Variants in NDC1 observed in about 807,000 individuals in gnomAD.
NDC1 encodes nucleoporin NDC1.
Under a neutral mutation model 89.8 loss-of-function variants are expected in NDC1, and 24 were observed. The observed-to-expected ratio is 0.27, with a 90% CI of 0.19 to 0.38. NDC1 has a LOEUF of 0.38. NDC1 is among the 10% of genes least tolerant of loss of function. The probability of loss-of-function intolerance (pLI) is 1.00; values close to 1 mark genes in which losing one functional copy is unlikely to be tolerated. For synonymous variants in NDC1, 296 were observed against 284.8 expected (o/e 1.04, Z -0.39); for missense variants, 728 against 797.6 (o/e 0.91, Z 1.05).
rs755144525 is a variant in NDC1, at chr1:53,797,139, T to C, written c.1228A>G (p.Thr410Ala). 1.2e-6 allele frequency: 2 copies of C among 1,613,802 alleles called. No homozygotes were observed. Among genetic ancestry groups the C allele is most frequent in the Non-Finnish European group, 1.7e-6 (2 of 1,179,718 alleles). The change falls in exon 12 of 18, where the codon ACT becomes GCT. Residue 410 changes from threonine to alanine, a missense_variant. Physicochemically the swap from Thr to Ala is moderately conservative, Grantham distance 58. Coordinates refer to ENST00000371429, the MANE Select transcript of NDC1 (RefSeq NM_018087.5). The part of the protein sequence containing the change: ...EPKKLNSPEE[T>A]AFQTPKSSQM... ...CTAGATTTTGGTGTCTGAAAAGCAG[T>C]TTCTTCTGTAAAACAACAGATCCAG...
Position 53,797,060 on chromosome 1 carries a change from G to C in NDC1, c.1307C>G (p.Ser436Ter). The stretch of plus-strand genomic sequence containing the variant: ...CACAACATCAGGTGTAGATAATTTT[G>C]AAGAAAACAGTGATGTTTTAACTAA... The part of the protein sequence containing the change: ...PPLVKTSLFS[S>*]KLSTPDVVSP... The change falls in exon 12 of 18, where the codon TCA becomes TGA. Residue 436 changes from serine (S) to a stop codon, truncating the protein, a stop_gained. Coordinates refer to ENST00000371429, the MANE Select transcript of NDC1 (RefSeq NM_018087.5). LOFTEE classifies it high-confidence loss of function. 6.2e-7 allele frequency: 1 copy of C among 1,614,062 alleles called. No individual in the cohort carries two copies. Among genetic ancestry groups the C allele is most frequent in the Non-Finnish European group, 8.5e-7 (1 of 1,179,996 alleles).
chr1:53,772,698 TAACATAACATAACATAACATAACAA>T (rs1476556839), intron 16 of NDC1, among the ~76,000 whole-genome samples: 5 of 150,384 alleles, frequency 3.3e-5, no homozygotes, highest in African/African-American at 1.2e-4. Flanking sequence ...TAACATAACA[TAACATAACATAACATAACATAACAA>T]AACAAAACAA....
Position 53,818,477 on chromosome 1 carries a change from T to C in NDC1, c.703+494A>G, listed in dbSNP as rs59207626. Among the ~76,000 whole-genome samples the C allele has an allele frequency of 5.2e-3, 798 of 152,176 alleles. 11 individuals are homozygous for C. The highest frequency in any genetic ancestry group is 0.018 in the African/African-American group (752 of 41,520). ...ATTTTAGCCATCTTTAAGTGTTCAA[T>C]ACAGTAGTGTTAACTATATGCACAT... On this transcript the variant is annotated intron_variant, in intron 6 of 17. Transcript: ENST00000371429.
intron 16 of NDC1, among the ~76,000 whole-genome samples, chr1:53,774,780 G>A (rs1376657800): frequency 1.3e-5 from 2 of 152,028 alleles, no homozygotes; most frequent in African/African-American, 2.4e-5. Flanking sequence ...ACAACTACTT[G>A]GGAGACTGAT....
At position 53,789,207 on chromosome 1, in the gene NDC1, A is replaced by G. The variant is rs116539849; in HGVS notation, c.1636-11T>C. 4,383 of 1,588,702 alleles carry G rather than the reference A, an allele frequency of 2.8e-3. 119 individuals are homozygous for G. In the African/African-American group the frequency reaches 0.05, roughly 18 times the overall value. On this transcript the variant is annotated splice_polypyrimidine_tract_variant and intron_variant, in intron 14 of 17. Transcript: ENST00000371429. ...GGAGGCCTCTGGGTGCTACAAATAA[A>G]AACAAAAACATTCAAGTGAATTCCC...
At chr1:53,800,878 T>G in intron 10 of NDC1, 30 bp from the exon 11 acceptor site, 1 of 1,541,260 alleles carries the variant, frequency 6.5e-7, no homozygotes. Flanking sequence ...GCTTTTAAAA[T>G]GTAAATAATC....
chr1:53,793,224 C>A lies in NDC1; in HGVS notation c.1635+5G>T. 6.2e-7 allele frequency: 1 copy of A among 1,606,666 alleles called. No homozygotes were observed. The highest frequency in any genetic ancestry group is 8.5e-7 in the Non-Finnish European group (1 of 1,173,226). On this transcript the variant is annotated splice_donor_5th_base_variant and intron_variant, in intron 14 of 17. Transcript: ENST00000371429. ...ATTCCCAACGCTATAACCACATATT[C>A]TTACCTTACTGAAAAAATACATTAT...
intron 2 of NDC1, among the ~76,000 whole-genome samples, chr1:53,833,336 A>G (rs1649127134): frequency 6.6e-6 from 1 of 151,922 alleles, no homozygotes; most frequent in South Asian, 2.1e-4. Context: ...GGTTCTCACT[A>G]TGTTGTCAAG....
intron 6 of NDC1, among the ~76,000 whole-genome samples, chr1:53,818,147 C>T (rs1419031109): frequency 1.3e-5 from 2 of 152,028 alleles, no homozygotes; most frequent in South Asian, 2.1e-4. Flanking sequence ...ATAAAATTTA[C>T]CATCTTAGGC....
At chr1:53,813,019 T>C (rs980418602) in intron 6 of NDC1, among the ~76,000 whole-genome samples, 2 of 152,182 alleles carry the variant, frequency 1.3e-5, no homozygotes, top group African/African-American at 4.8e-5. Flanking sequence ...GCATCATATA[T>C]GAAGAAAACA....
At chr1:53,808,077 C>T (rs1353426760) in intron 7 of NDC1, among the ~76,000 whole-genome samples, 1 of 152,228 alleles carries the variant, frequency 6.6e-6, no homozygotes, top group African/African-American at 2.4e-5. Flanking sequence ...ATAAGCCTCA[C>T]TACGAGCAGC....
intron 10 of NDC1, 140 bp downstream of exon 10, chr1:53,803,788 G>C: frequency 1.6e-6 from 1 of 642,068 alleles, no homozygotes; most frequent in Non-Finnish European, 2.9e-6. Context: ...AGCCAGGATG[G>C]TCTTGATCTC....
chr1:53,773,419 C>T (rs1297989575), intron 16 of NDC1, among the ~76,000 whole-genome samples: 1 of 152,148 alleles, frequency 6.6e-6, no homozygotes, highest in Non-Finnish European at 1.5e-5. Flanking sequence ...TTTCTTATTT[C>T]TAAGGATTCT....
intron 11 of NDC1, among the ~76,000 whole-genome samples, chr1:53,800,018 G>C (rs180946007): frequency 6.6e-6 from 1 of 152,310 alleles, no homozygotes; most frequent in Non-Finnish European, 1.5e-5. Flanking sequence ...AACCAGAACA[G>C]CAACAGATAT....
chr1:53,829,347 A>G (rs533940785), intron 3 of NDC1, among the ~76,000 whole-genome samples: 1 of 152,324 alleles, frequency 6.6e-6, no homozygotes, highest in South Asian at 2.1e-4. Context: ...AACACTCTAA[A>G]TATACCAAAC....
At chr1:53,812,320 G>A (rs1404658347) in intron 6 of NDC1, among the ~76,000 whole-genome samples, 3 of 152,136 alleles carry the variant, frequency 2.0e-5, no homozygotes, top group African/African-American at 7.2e-5. Context: ...ATCAGGGAGG[G>A]ACCAGAGAAA....
chr1:53,787,178 T>G lies in NDC1; in HGVS notation c.1780A>C (p.Thr594Pro). 6 of 1,606,438 alleles carry G rather than the reference T, an allele frequency of 3.7e-6. No homozygotes were observed. The South Asian group carries it at 6.7e-5, about 18-fold the overall frequency. The change falls in exon 16 of 18, where the codon ACT (threonine) becomes CCT (proline). Residue 594 changes from threonine to proline, a missense_variant. Physicochemically the swap from Thr to Pro is conservative, Grantham distance 38 (BLOSUM62 -1). Transcript: ENST00000371429. The stretch of plus-strand genomic sequence containing the variant: ...CTTACCTCTTGCAGTGTCAACAAAG[T>G]ATTAAGGATAGCTGGTAGTGTCGTC... ...VQTTLPAILN[T>P]LLTLQEAVDK...
At chr1:53,800,573 C>A (rs1229988943) in intron 11 of NDC1, 120 bp downstream of exon 11, 18 of 1,018,946 alleles carry the variant, frequency 1.8e-5, no homozygotes, top group Non-Finnish European at 2.5e-5. Flanking sequence ...GATCCGCCCA[C>A]CTCGGCCTCC....
chr1:53,800,844 T>C lies in NDC1; in HGVS notation c.1071A>G (p.Gly357=). 1.3e-6 allele frequency: 2 copies of C among 1,593,104 alleles called. No individual in the cohort carries two copies. Among genetic ancestry groups the C allele is most frequent in the Non-Finnish European group, 8.5e-7 (1 of 1,170,614 alleles). Residue 357 remains glycine, a synonymous_variant, in exon 11 of 18, where the codon GGA becomes GGG. Transcript: ENST00000371429. The part of the protein sequence containing the change: ...QEVFSLSQPG[G]HPHNWTAISR... ...AAATGGCTGTCCAATTGTGGGGATG[T>C]CCACCTAGGAGGTCCAAACACCAGC...
Sources: gnomAD v4.1 joint callset for allele counts (sites outside exome capture counted in the v4.1 genomes callset) on GRCh38, gnomAD v4.1.1 for gene constraint, MANE v1.5 for transcripts, NCBI Gene and HGNC (gene_info 2026-07-23, HGNC 2026-07-21) for gene names.